Variants in NEU4 observed in about 807,000 individuals in gnomAD.
NEU4 encodes the protein neuraminidase 4, also known as sialidase-4.
Under a neutral mutation model 9.9 loss-of-function variants are expected in NEU4, and 7 were observed. That is an observed-to-expected ratio of 0.71 (90% confidence interval 0.40 to 1.33). The LOEUF (loss-of-function observed/expected upper bound fraction) is 1.33. Among genes scored for constraint, NEU4 ranks in the 40% most tolerant of loss-of-function variants. The pLI is 0.01. For synonymous variants in NEU4, 348 were observed against 316.9 expected (o/e 1.10, Z -1.04); for missense variants, 717 against 712.6 (o/e 1.01, Z -0.07).
intron 1 of NEU4, chr2:241,812,021 C>T (rs1409871137): frequency 1.3e-5 from 2 of 152,674 alleles, no homozygotes; most frequent in African/African-American, 4.8e-5. Context: ...GATGTTCCTA[C>T]CCTGCACCTG....
chr2:241,814,578 C>T lies in NEU4; in HGVS notation c.94C>T (p.Pro32Ser), dbSNP rs569509029. ...CGTGCCCTCGCTGCTCCCCGTGCCCCCCGGGCCCACCCTGCTGGCCTTTGT... is the reference window on the plus strand; with the variant it reads ...CGTGCCCTCGCTGCTCCCCGTGCCCTCCGGGCCCACCCTGCTGGCCTTTGT... ...YRVPSLLPVP[P>S]GPTLLAFVEQ... is the part of the protein sequence containing the mutation. The change falls in exon 2 of 4, where the codon CCC becomes TCC. Residue 32 changes from proline (P) to serine (S), a missense_variant. Transcript: ENST00000407683. The T allele has an allele frequency of 6.2e-7, 1 of 1,612,296 alleles. No individual in the cohort carries two copies.
intron 1 of NEU4, chr2:241,809,757 A>T (rs1168773866): frequency 6.3e-6 from 1 of 159,282 alleles, no homozygotes; most frequent in Non-Finnish European, 1.4e-5. Context: ...AGCTGAAAAC[A>T]CGGGTTTTTC....
chr2:241,814,080 A>G, intron 1 of NEU4: 1 of 499,456 alleles, frequency 2.0e-6, no homozygotes, highest in South Asian at 1.6e-5. Flanking sequence ...TTGGGTCCTC[A>G]TTGTCCACAT....
intron 1 of NEU4, 90 bp downstream of exon 1, chr2:241,809,364 C>CAGA: frequency 5.7e-6 from 4 of 700,388 alleles, no homozygotes; most frequent in Non-Finnish European, 8.5e-6. Flanking sequence ...AACAGCCTGT[C>CAGA]CGGGCTGTGC....
intron 1 of NEU4, chr2:241,814,063 C>G (rs1017153298): frequency 4.3e-6 from 2 of 468,070 alleles, no homozygotes; most frequent in South Asian, 1.6e-5. Flanking sequence ...CCTCCTTGCT[C>G]GAGGTTTTGG....
At chr2:241,811,411 C>T in intron 1 of NEU4, 4 of 1,550,902 alleles carry the variant, frequency 2.6e-6, no homozygotes, top group Non-Finnish European at 3.5e-6. Context: ...TGCTCTGGGT[C>T]AGGCGAGGCA....
intron 1 of NEU4, chr2:241,811,473 C>A (rs1249534316): frequency 1.3e-6 from 2 of 1,560,202 alleles, no homozygotes; most frequent in South Asian, 1.2e-5. Flanking sequence ...TGAGTCCCTG[C>A]CCTTTGCACC....
rs200948491 is a variant in NEU4, at chr2:241,814,524, G to T, written c.40G>T (p.Glu14Ter). The change falls in exon 2 of 4, where the codon GAG becomes TAG. Residue 14 changes from glutamate (E) to a stop codon, truncating the protein, a stop_gained. Transcript: ENST00000407683. LOFTEE classifies it high-confidence loss of function. Reference sequence around the variant, plus strand: ...TACCCCTTCACGGACAGTGCTCTTCGAGCGGGAGAGGACGGGCCTGACCTA... The same window carrying T: ...TACCCCTTCACGGACAGTGCTCTTCTAGCGGGAGAGGACGGGCCTGACCTA... ...PRTPSRTVLF[E>*]RERTGLTYRV... 1.9e-6 allele frequency: 3 copies of T among 1,611,096 alleles called. No homozygotes were observed. The highest frequency in any genetic ancestry group is 1.1e-5 in the South Asian group (1 of 90,954).
chr2:241,816,326 C>G lies in NEU4; in HGVS notation c.733C>G (p.Leu245Val). Residue 245 changes from leucine (L) to valine (V), a missense_variant, in exon 4 of 4, where the codon CTG (leucine) becomes GTG (valine). Transcript: ENST00000407683. The stretch of plus-strand genomic sequence containing the variant: ...CCTCTACTGCAATGCCCGGAGCCCA[C>G]TGGGCAGCCGTGTGCAGGCGCTCAG... The part of the protein sequence containing the change: ...SFLYCNARSP[L>V]GSRVQALSTD... The G allele has an allele frequency of 6.3e-7, 1 of 1,578,126 alleles. No individual in the cohort carries two copies. Among genetic ancestry groups the G allele is most frequent in the Non-Finnish European group, 8.6e-7 (1 of 1,164,368 alleles).
At chr2:241,812,982 T>A (rs992843941) in intron 1 of NEU4, among the ~76,000 whole-genome samples, 3 of 152,216 alleles carry the variant, frequency 2.0e-5, no homozygotes, top group Non-Finnish European at 4.4e-5. Flanking sequence ...CAATTGCCCT[T>A]TGAGAGCAGA....
At chr2:241,809,898 A>T (rs1700057862) in intron 1 of NEU4, 1 of 153,730 alleles carries the variant, frequency 6.5e-6, no homozygotes, top group South Asian at 2.0e-4. Flanking sequence ...CCTGTGTCTC[A>T]GGGTGGCCCA....
At position 241,816,937 on chromosome 2, in the gene NEU4, TGAG is replaced by T; in HGVS notation, c.1345_1347del (p.Glu449del). The stretch of plus-strand genomic sequence containing the variant: ...AGAGCGGGGCCAGGACCTCCTATGA[TGAG>T]ATTTCCTTTTGTACATTCTCCCTGC... On this transcript the variant is annotated inframe_deletion, in exon 4 of 4. Transcript: ENST00000407683. The T allele has an allele frequency of 6.4e-7, 1 of 1,568,400 alleles. No individual in the cohort carries two copies. The highest frequency in any genetic ancestry group is 8.8e-7 in the Non-Finnish European group (1 of 1,139,400).
At chr2:241,809,667 G>GT (rs2125206360) in intron 1 of NEU4, 1 of 182,668 alleles carries the variant, frequency 5.5e-6, no homozygotes, top group East Asian at 1.8e-4. Context: ...CATATACCCT[G>GT]GGTAGACGGT....
At chr2:241,813,959 C>A (rs1344036982) in intron 1 of NEU4, 1 of 301,428 alleles carries the variant, frequency 3.3e-6, no homozygotes, top group East Asian at 1.2e-4. Context: ...CCCAGAGAGC[C>A]CCGTGGCTCC....
chr2:241,816,000 C>G, intron 3 of NEU4, 51 bp from the exon 4 acceptor site: 1 of 1,507,790 alleles, frequency 6.6e-7, no homozygotes, highest in Non-Finnish European at 8.9e-7. Flanking sequence ...CTCCAGCCCC[C>G]CGACCTCGGG....
In NEU4 at chr2:241,816,578, G is replaced by A. The variant is rs752029908; in HGVS notation, c.985G>A (p.Val329Met). The A allele has an allele frequency of 3.1e-6, 5 of 1,604,996 alleles. No homozygotes were observed. The highest frequency in any genetic ancestry group is 4.2e-6 in the Non-Finnish European group (5 of 1,176,608). The change falls in exon 4 of 4, where the codon GTG (valine) becomes ATG (methionine). Residue 329 changes from valine (V) to methionine (M), a missense_variant. By Grantham distance (21) the Val-to-Met change is conservative. Transcript: ENST00000407683. ...EAAVDPRGGQVPGGPFSRLQP... is the reference protein window; with the variant it reads ...EAAVDPRGGQMPGGPFSRLQP... ...TGCTGTAGACCCCCGTGGAGGCCAGGTGCCTGGTGGGCCCTTCAGCCGTCT... is the reference window on the plus strand; with the variant it reads ...TGCTGTAGACCCCCGTGGAGGCCAGATGCCTGGTGGGCCCTTCAGCCGTCT...
Position 241,816,431 on chromosome 2 carries a change from A to C in NEU4, c.838A>C (p.Ile280Leu). 6.2e-7 allele frequency: 1 copy of C among 1,607,632 alleles called. No homozygotes were observed. Among genetic ancestry groups the C allele is most frequent in the Non-Finnish European group, 8.5e-7 (1 of 1,178,650 alleles). Residue 280 changes from isoleucine to leucine, a missense_variant, in exon 4 of 4, where the codon ATC becomes CTC. Coordinates refer to ENST00000407683, the MANE Select transcript of NEU4 (RefSeq NM_001167600.3). ...PETAWGCQGS[I>L]VGFPAPAPNR... ...GACTGCCTGGGGCTGCCAGGGCAGC[A>C]TCGTGGGCTTCCCAGCCCCCGCCCC...
chr2:241,811,024 G>C, intron 1 of NEU4: 1 of 1,055,068 alleles, frequency 9.5e-7, no homozygotes. Flanking sequence ...TGCCAGGGGA[G>C]GCCCCGCACC....
chr2:241,809,256 T>C lies in NEU4; in HGVS notation c.-22T>C, dbSNP rs1700039405. ...CGTCCTTTTGTCTCTGCCTTTGAGG[T>C]TGGCGGGAACTGAAACTGGTACGGT... On this transcript the variant is annotated 5_prime_UTR_variant, in exon 1 of 4. Transcript: ENST00000407683. 7.8e-7 allele frequency: 1 copy of C among 1,288,718 alleles called. No homozygotes were observed. The highest frequency in any genetic ancestry group is 1.5e-5 in the African/African-American group (1 of 65,830). 79.8% of individuals were successfully genotyped at this position (1,288,718 alleles called of 1,614,324 possible).
Sources: allele counts gnomAD v4.1 joint callset (sites outside exome capture counted in the v4.1 genomes callset), GRCh38; gene constraint gnomAD v4.1.1; transcripts MANE v1.5; gene names NCBI Gene and HGNC (gene_info 2026-07-23, HGNC 2026-07-21).